C16orf78: variants seen among roughly 807,000 people sequenced by gnomAD.
C16orf78 encodes the protein uncharacterized protein C16orf78.
C16orf78 carries 19 observed loss-of-function variants against 27.3 expected under a neutral mutation model. The observed-to-expected ratio is 0.70, with a 90% CI of 0.49 to 1.02. C16orf78 has a LOEUF of 1.02. C16orf78 is among the 50% of genes least tolerant of loss of function. The probability of loss-of-function intolerance (pLI) is 0.00; values close to 1 mark genes in which losing one functional copy is unlikely to be tolerated. For missense variants in C16orf78, 339 were observed against 337.0 expected, an observed-to-expected ratio of 1.01 and a Z score of -0.05; for synonymous variants, 130 against 116.1, an observed-to-expected ratio of 1.12 and a Z score of -0.77.
rs747758290 is a variant in C16orf78 at position 49,378,497 on chromosome 16, G to A, written c.298G>A (p.Ala100Thr). The A allele has an allele frequency of 2.0e-5, 32 of 1,599,144 alleles. No homozygotes were observed. The South Asian group carries it at 2.7e-4, about 14-fold the overall frequency. ...QALGKRFRKD[A>T]ASYRSLYGVE... is the part of the protein sequence containing the mutation. ...CTTAGGAAAGAGATTCAGGAAGGAC[G>A]CCGCCTCCTACCGAAGCCTCTATGG... The change falls in exon 3 of 5, where the codon GCC becomes ACC. Residue 100 changes from alanine to threonine, a missense_variant. By Grantham distance (58) the Ala-to-Thr change is moderately conservative (BLOSUM62 0). Transcript: ENST00000299191.
At chr16:49,376,481 T>C (rs868542202) in intron 1 of C16orf78, among the ~76,000 whole-genome samples, 1 of 152,104 alleles carries the variant, frequency 6.6e-6, no homozygotes, top group South Asian at 2.1e-4. Context: ...CTGGAGGAGA[T>C]GGGTCATCCT....
At chr16:49,390,021 G>T (rs1965394368) in intron 3 of C16orf78, among the ~76,000 whole-genome samples, 1 of 152,122 alleles carries the variant, frequency 6.6e-6, no homozygotes, top group Non-Finnish European at 1.5e-5. Flanking sequence ...AGACAGTTTT[G>T]CTGAGTGTAG....
chr16:49,396,679 G>A lies in C16orf78; in HGVS notation c.650+1G>A, dbSNP rs562874658. On this transcript the variant is annotated splice_donor_variant, in intron 4 of 4. Coordinates refer to ENST00000299191, the MANE Select transcript of C16orf78 (RefSeq NM_144602.4). LOFTEE classifies it high-confidence loss of function. ...AGCCAGAGGAGGTGCTGAGCTGCCG[G>A]TGAGAGCTGCCACCCCCTGGGCAGA... 1.1e-5 allele frequency: 17 copies of A among 1,605,336 alleles called. No homozygotes were observed. The highest frequency in any genetic ancestry group is 2.2e-5 in the East Asian group (1 of 44,872).
chr16:49,384,212 G>A (rs1965318454), intron 3 of C16orf78, among the ~76,000 whole-genome samples: 1 of 152,002 alleles, frequency 6.6e-6, no homozygotes, highest in Non-Finnish European at 1.5e-5. Flanking sequence ...GCTGGTTGTG[G>A]TGGTGCGTGC....
At chr16:49,388,413 T>A (rs989704611) in intron 3 of C16orf78, among the ~76,000 whole-genome samples, 3 of 152,232 alleles carry the variant, frequency 2.0e-5, no homozygotes, top group Non-Finnish European at 4.4e-5. Context: ...ATTGTATCTT[T>A]ATTTTCATCT....
At chr16:49,384,867 C>T (rs1034346041) in intron 3 of C16orf78, among the ~76,000 whole-genome samples, 4 of 152,166 alleles carry the variant, frequency 2.6e-5, no homozygotes, top group African/African-American at 7.2e-5. Flanking sequence ...AGAAACCTTG[C>T]ACATCAGGAG....
intron 3 of C16orf78, among the ~76,000 whole-genome samples, chr16:49,379,723 T>C (rs1965264966): frequency 1.3e-5 from 2 of 152,202 alleles, no homozygotes; most frequent in South Asian, 4.1e-4. Flanking sequence ...ACGTAAGATG[T>C]TAACATTAAG....
intron 3 of C16orf78, among the ~76,000 whole-genome samples, chr16:49,382,820 C>G (rs140350517): frequency 1.3e-5 from 2 of 152,330 alleles, no homozygotes; most frequent in Admixed American, 1.3e-4. Context: ...CCTCCCTCGT[C>G]TTCCTTCTCC....
chr16:49,396,069 C>G (rs1965468498), intron 3 of C16orf78, among the ~76,000 whole-genome samples: 2 of 152,034 alleles, frequency 1.3e-5, no homozygotes, highest in Non-Finnish European at 2.9e-5. Flanking sequence ...ATGGCAAAAC[C>G]CTAGCTCCAC....
rs549553067 is a variant in C16orf78, at chr16:49,381,633, C to T, written c.394+3040C>T. Among the ~76,000 whole-genome samples the T allele has an allele frequency of 4.9e-3, 737 of 151,814 alleles. 5 individuals are homozygous for T. Among genetic ancestry groups the T allele is most frequent in the African/African-American group, 0.017 (703 of 41,380 alleles). On this transcript the variant is annotated intron_variant, in intron 3 of 4. Transcript: ENST00000299191. ...TGAACAGACACTTCTCAAAAGAAGA[C>T]ATTTATGCAGCCAAAAAACACATGA...
Position 49,399,308 on chromosome 16 carries a change from CCTT to C in C16orf78, c.*33_*35del, listed in dbSNP as rs1422460827. ...CTCCTCTCGCCACCACCTTCAGGCT[CCTT>C]CTGTCATGGGACCCTTCACCTCCAG... On this transcript the variant is annotated 3_prime_UTR_variant, in exon 5 of 5. Coordinates refer to ENST00000299191, the MANE Select transcript of C16orf78 (RefSeq NM_144602.4). 3.1e-6 allele frequency: 5 copies of C among 1,611,764 alleles called. No homozygotes were observed. The highest frequency in any genetic ancestry group is 2.5e-6 in the Non-Finnish European group (3 of 1,178,962).
chr16:49,383,358 T>C (rs910772763), intron 3 of C16orf78, among the ~76,000 whole-genome samples: 5 of 152,168 alleles, frequency 3.3e-5, no homozygotes, highest in Non-Finnish European at 5.9e-5. Flanking sequence ...CTAAAGATAG[T>C]CACATACACC....
chr16:49,397,035 T>C (rs2287996), intron 4 of C16orf78, among the ~76,000 whole-genome samples: 29,837 of 152,238 alleles, frequency 0.2, 3,228 homozygotes, highest in South Asian at 0.31. Context: ...CTTTGCACTG[T>C]GGGGTTGAGT....
At chr16:49,382,229 A>C (rs1182752691) in intron 3 of C16orf78, among the ~76,000 whole-genome samples, 1 of 152,092 alleles carries the variant, frequency 6.6e-6, no homozygotes, top group Non-Finnish European at 1.5e-5. Flanking sequence ...TCACATGGAC[A>C]CAGGAAGGGG....
chr16:49,379,801 G>A (rs1965265630), intron 3 of C16orf78, among the ~76,000 whole-genome samples: 1 of 152,218 alleles, frequency 6.6e-6, no homozygotes, highest in South Asian at 2.1e-4. Context: ...AAATCCATAT[G>A]TGATGGTTAA....
chr16:49,378,711 T>C (rs774407724), intron 3 of C16orf78, 118 bp downstream of exon 3: 131 of 1,454,784 alleles, frequency 9.0e-5, no homozygotes, highest in Non-Finnish European at 1.1e-4. Context: ...ATCCAACCAT[T>C]GTGCACACAG....
At chr16:49,391,984 T>C (rs1965418129) in intron 3 of C16orf78, among the ~76,000 whole-genome samples, 1 of 152,116 alleles carries the variant, frequency 6.6e-6, no homozygotes, top group Non-Finnish European at 1.5e-5. Flanking sequence ...CCATGTACCA[T>C]AAAGAGTCCT....
At chr16:49,375,789 C>T (rs765924961) in intron 1 of C16orf78, among the ~76,000 whole-genome samples, 3 of 152,186 alleles carry the variant, frequency 2.0e-5, no homozygotes, top group Non-Finnish European at 4.4e-5. Context: ...TACCCACTGC[C>T]TTGATTTGGG....
At chr16:49,397,302 T>C (rs1965486875) in intron 4 of C16orf78, among the ~76,000 whole-genome samples, 1 of 152,192 alleles carries the variant, frequency 6.6e-6, no homozygotes, top group Non-Finnish European at 1.5e-5. Context: ...AAGTTGTAAC[T>C]GACAAAGTTC....
Sources: gnomAD v4.1 joint callset for allele counts (sites outside exome capture counted in the v4.1 genomes callset) on GRCh38, gnomAD v4.1.1 for gene constraint, MANE v1.5 for transcripts, NCBI Gene and HGNC (gene_info 2026-07-23, HGNC 2026-07-21) for gene names.